CAST: variants seen among roughly 807,000 people sequenced by gnomAD.
CAST encodes the protein MIR583 host.
A neutral mutation model predicts 119.6 loss-of-function variants in CAST; 76 were observed. That is an observed-to-expected ratio of 0.64 (90% CI 0.53 to 0.77). The LOEUF (loss-of-function observed/expected upper bound fraction) is 0.77. Among genes scored for constraint, CAST ranks in the 30% least tolerant of loss-of-function variants. The pLI, the probability that CAST is intolerant of heterozygous loss-of-function variation, is 0.00. For missense variants in CAST, 953 were observed against 946.5 expected (o/e 1.01, Z -0.09); for synonymous variants, 319 against 331.6 (o/e 0.96, Z 0.41).
Position 96,754,645 on chromosome 5 carries a change from T to C in CAST, c.1627-13T>C, listed in dbSNP as rs376026491. 32 of 1,521,366 alleles carry C rather than the reference T, an allele frequency of 2.1e-5. 1 individual carries two copies. The highest frequency in any genetic ancestry group is 1.8e-5 in the Non-Finnish European group (20 of 1,107,222). 94.2% of individuals were successfully genotyped at this position (1,521,366 alleles called of 1,614,324 possible). On this transcript the variant is annotated splice_polypyrimidine_tract_variant and intron_variant, in intron 21 of 31. Transcript: ENST00000675179. The stretch of plus-strand genomic sequence containing the variant: ...AAACATGCTAACAATGAAAATGGTA[T>C]AATTTTTCTCAGGAGAAGGCCAAAG...
the CAST span, among the ~76,000 whole-genome samples, chr5:96,482,305 T>A: frequency 2.0e-5 from 3 of 151,606 alleles, no homozygotes; most frequent in Non-Finnish European, 4.4e-5. Flanking sequence ...TTAGTTGCCA[T>A]GAAACTGAAG....
chr5:96,567,331 C>G (rs962648274), intron 1 of CAST, among the ~76,000 whole-genome samples: 1 of 152,138 alleles, frequency 6.6e-6, no homozygotes, highest in South Asian at 2.1e-4. Flanking sequence ...ACGCGCCCAA[C>G]AGCTTCGCCT....
chr5:96,619,225 A>G (rs116247586), intron 1 of CAST, among the ~76,000 whole-genome samples: 4,830 of 151,824 alleles, frequency 0.032, 96 homozygotes, highest in Non-Finnish European at 0.047. Context: ...TAAACGCACC[A>G]ATCAGTGCTC....
At chr5:96,540,612 C>T (rs971195205) in intron 1 of CAST, among the ~76,000 whole-genome samples, 8 of 152,094 alleles carry the variant, frequency 5.3e-5, no homozygotes, top group African/African-American at 1.9e-4. Flanking sequence ...AATTAAAATT[C>T]ATAGTTTATT....
chr5:96,385,272 T>C, the CAST span, among the ~76,000 whole-genome samples: 1 of 152,230 alleles, frequency 6.6e-6, no homozygotes, highest in Non-Finnish European at 1.5e-5. Flanking sequence ...ACAACTTCTC[T>C]CACCCTTAAA....
At chr5:96,399,809 A>G in the CAST span, 36 of 691,786 alleles carry the variant, frequency 5.2e-5, no homozygotes, top group African/African-American at 6.2e-4. Context: ...GTTAGTCCCC[A>G]TGGATACCCA....
the CAST span, among the ~76,000 whole-genome samples, chr5:96,128,267 A>AT: frequency 2.8e-4 from 42 of 152,052 alleles, no homozygotes; most frequent in East Asian, 6.2e-3. Context: ...GAAGCATAAT[A>AT]TTTTCTAAAC....
intron 1 of CAST, among the ~76,000 whole-genome samples, chr5:96,596,673 T>A (rs1396338850): frequency 6.6e-6 from 1 of 152,160 alleles, no homozygotes; most frequent in Admixed American, 6.5e-5. Context: ...TTCTTCTGTG[T>A]TCATGATGGA....
chr5:96,357,199 T>G, the CAST span, among the ~76,000 whole-genome samples: 4 of 152,242 alleles, frequency 2.6e-5, no homozygotes, highest in Non-Finnish European at 2.9e-5. Context: ...GAGACTTTGC[T>G]GAAGTTGCTT....
the CAST span, among the ~76,000 whole-genome samples, chr5:96,226,082 G>A: frequency 6.6e-6 from 1 of 152,256 alleles, no homozygotes; most frequent in African/African-American, 2.4e-5. Flanking sequence ...CAGACAGGGA[G>A]ATAAATAAAA....
chr5:96,309,321 C>T, the CAST span, among the ~76,000 whole-genome samples: 7 of 152,218 alleles, frequency 4.6e-5, no homozygotes, highest in Admixed American at 3.9e-4. Flanking sequence ...CTTGAGTGGC[C>T]CAGTTCAAGC....
At chr5:96,203,430 G>T in the CAST span, among the ~76,000 whole-genome samples, 1 of 151,688 alleles carries the variant, frequency 6.6e-6, no homozygotes, top group African/African-American at 2.4e-5. Context: ...GGGTTACAAA[G>T]GACACAAATT....
chr5:96,106,549 A>C, the CAST span, among the ~76,000 whole-genome samples: 1 of 149,990 alleles, frequency 6.7e-6, no homozygotes, highest in Admixed American at 6.6e-5. Flanking sequence ...GAGATTCTTA[A>C]TCCTGAGTTC....
At chr5:96,037,681 C>T in the CAST span, among the ~76,000 whole-genome samples, 1 of 152,104 alleles carries the variant, frequency 6.6e-6, no homozygotes, top group Admixed American at 6.6e-5. Context: ...TGTGACATCA[C>T]AAAAACCCCA....
the CAST span, among the ~76,000 whole-genome samples, chr5:96,477,065 A>AACACACACAC: frequency 5.3e-4 from 73 of 136,616 alleles, 1 homozygote; most frequent in African/African-American, 6.5e-4. Context: ...AATGTGCCAA[A>AACACACACAC]ACACACACAC....
At chr5:96,386,977 A>AAAAAC in the CAST span, among the ~76,000 whole-genome samples, 27 of 152,328 alleles carry the variant, frequency 1.8e-4, no homozygotes, top group South Asian at 8.3e-4. Context: ...AAACAAAAAC[A>AAAAAC]AAAACAAAAC....
chr5:96,316,617 C>T, the CAST span, among the ~76,000 whole-genome samples: 1 of 152,160 alleles, frequency 6.6e-6, no homozygotes, highest in Non-Finnish European at 1.5e-5. Context: ...CATGTTGTAA[C>T]AAAGAAACTT....
At chr5:96,080,525 CATTAG>C in the CAST span, among the ~76,000 whole-genome samples, 1 of 152,146 alleles carries the variant, frequency 6.6e-6, no homozygotes, top group Non-Finnish European at 1.5e-5. Context: ...TGTTTTTGAA[CATTAG>C]ATTAAAGTTC....
chr5:96,253,144 T>A, the CAST span, among the ~76,000 whole-genome samples: 4 of 152,284 alleles, frequency 2.6e-5, no homozygotes, highest in South Asian at 8.3e-4. Flanking sequence ...CATTTTCATT[T>A]TTCATCACAA....
Sources: allele counts gnomAD v4.1 joint callset (sites outside exome capture counted in the v4.1 genomes callset), GRCh38; gene constraint gnomAD v4.1.1; transcripts MANE v1.5; gene names NCBI Gene and HGNC (gene_info 2026-07-23, HGNC 2026-07-21).